The following HYCC1 variants were observed in gnomAD, a reference collection of about 807,000 sequenced individuals.
HYCC1 encodes the protein hyccin.
the HYCC1 span, among the ~76,000 whole-genome samples, chr7:22,973,554 T>G: frequency 2.0e-5 from 3 of 152,196 alleles, no homozygotes; most frequent in Non-Finnish European, 2.9e-5. Context: ...ATAGCTTAAG[T>G]CTTTTAAATT....
the HYCC1 span, chr7:22,940,977 T>C: frequency 2.6e-5 from 4 of 152,142 alleles, 1 homozygote; most frequent in African/African-American, 9.7e-5. Flanking sequence ...GTTACCTAAA[T>C]TTGCCTGTGC....
the HYCC1 span, among the ~76,000 whole-genome samples, chr7:22,932,499 T>C: frequency 6.6e-6 from 1 of 152,204 alleles, no homozygotes; most frequent in Non-Finnish European, 1.5e-5. Flanking sequence ...ATCTCTCTTA[T>C]GTTTGTCCCA....
At chr7:22,907,633 G>C in the HYCC1 span, among the ~76,000 whole-genome samples, 8 of 152,190 alleles carry the variant, frequency 5.3e-5, no homozygotes, top group Non-Finnish European at 8.8e-5. Flanking sequence ...ATTTCAGCTG[G>C]GTGCGGGGGC....
chr7:22,927,990 A>C, the HYCC1 span, among the ~76,000 whole-genome samples: 1 of 152,212 alleles, frequency 6.6e-6, no homozygotes, highest in Non-Finnish European at 1.5e-5. Flanking sequence ...ATCCACCATG[A>C]TCAAGTGGGC....
the HYCC1 span, among the ~76,000 whole-genome samples, chr7:22,948,878 G>C: frequency 1.3e-5 from 2 of 152,046 alleles, no homozygotes; most frequent in African/African-American, 2.4e-5. Context: ...AACCAAGCCT[G>C]TTTCCAATTG....
At chr7:22,983,901 T>C in the HYCC1 span, 3 of 1,146,864 alleles carry the variant, frequency 2.6e-6, no homozygotes, top group East Asian at 2.3e-5. Flanking sequence ...TAAAAATCAA[T>C]CAAGTCAATA....
the HYCC1 span, among the ~76,000 whole-genome samples, chr7:23,008,356 T>A: frequency 2.0e-5 from 3 of 151,966 alleles, no homozygotes; most frequent in African/African-American, 7.2e-5. Flanking sequence ...AGAACCCACA[T>A]GAAGAAAACT....
At chr7:22,985,107 C>T in the HYCC1 span, among the ~76,000 whole-genome samples, 3 of 152,162 alleles carry the variant, frequency 2.0e-5, no homozygotes, top group Admixed American at 1.3e-4. Context: ...CAAATTACTT[C>T]CTTCAGTCAG....
At chr7:22,921,479 A>T in the HYCC1 span, among the ~76,000 whole-genome samples, 1 of 152,242 alleles carries the variant, frequency 6.6e-6, no homozygotes, top group African/African-American at 2.4e-5. Flanking sequence ...TAATAATTGT[A>T]ACAATGTATT....
the HYCC1 span, among the ~76,000 whole-genome samples, chr7:22,929,384 C>T: frequency 1.4e-4 from 22 of 152,154 alleles, 1 homozygote; most frequent in South Asian, 2.3e-3. Context: ...CAAAAGAAAC[C>T]ACCATCAGAG....
At chr7:22,916,990 T>C in the HYCC1 span, among the ~76,000 whole-genome samples, 3 of 152,226 alleles carry the variant, frequency 2.0e-5, no homozygotes, top group African/African-American at 7.2e-5. Flanking sequence ...AATGCCTCTT[T>C]AATAAAAACT....
chr7:22,990,343 T>G, the HYCC1 span, among the ~76,000 whole-genome samples: 8 of 152,190 alleles, frequency 5.3e-5, no homozygotes, highest in African/African-American at 1.9e-4. Context: ...TCTCTCTCAA[T>G]GCAACAAGCC....
At chr7:22,977,731 T>G in the HYCC1 span, among the ~76,000 whole-genome samples, 4 of 152,220 alleles carry the variant, frequency 2.6e-5, no homozygotes, top group Non-Finnish European at 2.9e-5. Context: ...CATTTAAATA[T>G]GAAATATGTG....
chr7:22,903,119 T>C, the HYCC1 span, among the ~76,000 whole-genome samples: 1 of 152,016 alleles, frequency 6.6e-6, no homozygotes, highest in Non-Finnish European at 1.5e-5. Context: ...ACTCCTGGAG[T>C]GGGGGAGTAT....
the HYCC1 span, among the ~76,000 whole-genome samples, chr7:22,991,707 T>C: frequency 6.6e-6 from 1 of 152,090 alleles, no homozygotes; most frequent in African/African-American, 2.4e-5. Context: ...AGTATAAATT[T>C]AAAGAAGTAA....
At chr7:22,939,371 T>C in the HYCC1 span, 3 of 152,142 alleles carry the variant, frequency 2.0e-5, no homozygotes, top group Non-Finnish European at 4.4e-5. Context: ...CAATCTACAG[T>C]CCTGCTAATC....
At chr7:22,955,424 T>G in the HYCC1 span, among the ~76,000 whole-genome samples, 13 of 151,684 alleles carry the variant, frequency 8.6e-5, no homozygotes, top group East Asian at 2.5e-3. Flanking sequence ...AAGGCACAAG[T>G]GGGAAGAATG....
At chr7:22,970,046 G>A in the HYCC1 span, among the ~76,000 whole-genome samples, 1 of 140,434 alleles carries the variant, frequency 7.1e-6, no homozygotes, top group Non-Finnish European at 1.6e-5. Flanking sequence ...GCTCTAGGAT[G>A]GTCACTCATC....
At chr7:22,900,457 G>C in the HYCC1 span, among the ~76,000 whole-genome samples, 1 of 152,180 alleles carries the variant, frequency 6.6e-6, no homozygotes, top group Non-Finnish European at 1.5e-5. Context: ...ACAATGGTTG[G>C]TCTAAAGGTA....
Sources: allele counts gnomAD v4.1 joint callset (sites outside exome capture counted in the v4.1 genomes callset), GRCh38; gene constraint gnomAD v4.1.1; transcripts MANE v1.5; gene names NCBI Gene and HGNC (gene_info 2026-07-23, HGNC 2026-07-21).